The following GRTP1 variants were observed in gnomAD, a reference collection of about 807,000 sequenced individuals.
GRTP1 encodes growth hormone regulated TBC protein 1.
A neutral mutation model predicts 38.1 loss-of-function variants in GRTP1; 56 were observed. The ratio of observed to expected loss-of-function variants is 1.47; its 90% CI spans 1.19 to 1.84. GRTP1 has a LOEUF of 1.84. GRTP1 is among the 40% of genes most tolerant of loss of function. The probability of loss-of-function intolerance (pLI) is 0.00; values close to 1 mark genes in which losing one functional copy is unlikely to be tolerated. For synonymous variants in GRTP1, 217 were observed against 189.5 expected (o/e 1.14, Z -1.19); for missense variants, 506 against 453.9 (o/e 1.11, Z -1.04).
rs371450652 is a variant in GRTP1 at position 113,330,374 on chromosome 13, A to G, written c.563-4283T>C. On this transcript the variant is annotated intron_variant, in intron 5 of 7. Transcript: ENST00000375431. ...AGCCCAGGTGTGTGGAAGGAAACCC[A>G]GGTGTGTGCATGGAAGCCCAGGTGT... Among the ~76,000 whole-genome samples, 777 of 110,258 alleles carry G rather than the reference A, an allele frequency of 7.0e-3. 19 individuals are homozygous for G. The highest frequency in any genetic ancestry group is 0.028 in the African/African-American group (733 of 26,136). 72.3% of individuals were successfully genotyped at this position (110,258 alleles called of 152,430 possible).
rs1273896575 is a variant in GRTP1 at position 113,348,565 on chromosome 13, T to C, written c.465+2284A>G. The stretch of plus-strand genomic sequence containing the variant: ...TTGGGACCTTGTTTGGGAAAAAGAC[T>C]GTTGCAGATGTCATTACGGATGGGG... On this transcript the variant is annotated intron_variant, in intron 4 of 7. Transcript: ENST00000375431. The surrounding 1 kb of genome is among the most constrained non-coding windows in gnomAD (Gnocchi z 4.8). Among the ~76,000 whole-genome samples the C allele has an allele frequency of 1.3e-5, 2 of 152,160 alleles. No individual in the cohort carries two copies. The highest frequency in any genetic ancestry group is 1.5e-5 in the Non-Finnish European group (1 of 68,030).
chr13:113,344,180 C>T (rs758094050), intron 5 of GRTP1, among the ~76,000 whole-genome samples: 11 of 152,088 alleles, frequency 7.2e-5, no homozygotes, highest in Non-Finnish European at 4.4e-5. Flanking sequence ...TACATAAAAC[C>T]AAGATAGCCT....
In GRTP1 at chr13:113,338,673, G is replaced by A. The variant is rs192008574; in HGVS notation, c.562+6190C>T. 2.6e-5 allele frequency among the ~76,000 whole-genome samples: 4 copies of A among 152,280 alleles called. No homozygotes were observed. In the East Asian group the frequency reaches 5.8e-4, roughly 22 times the overall value. ...CAATACCCAGACGGACTCGCACCCC[G>A]TGGTCACTGCCCCACGGCAGGGAGC... is the stretch of plus-strand genomic sequence containing the variant. On this transcript the variant is annotated intron_variant, in intron 5 of 7. Transcript: ENST00000375431.
At chr13:113,364,148 G>GC, upstream of GRTP1, 1 of 812,516 alleles carries the variant, frequency 1.2e-6, no homozygotes, top group African/African-American at 3.1e-5. Flanking sequence ...CCGCGGGCGC[G>GC]TGGGGGCGGG....
rs1283837815 is a variant in GRTP1 at position 113,349,672 on chromosome 13, G to A, written c.465+1177C>T. Among the ~76,000 whole-genome samples, 2 of 152,198 alleles carry A rather than the reference G, an allele frequency of 1.3e-5. No individual in the cohort carries two copies. The highest frequency in any genetic ancestry group is 3.9e-4 in the East Asian group (2 of 5,190). ...GAGGACAGCGTGGTCCCGTGGCTCT[G>A]CTGCTGGCCTTTCACAGGGCGCTCC... On this transcript the variant is annotated intron_variant, in intron 4 of 7. Transcript: ENST00000375431. The surrounding 1 kb of genome is among the most constrained non-coding windows in gnomAD (Gnocchi z 5.0).
chr13:113,336,602 C>T (rs61966581), intron 5 of GRTP1, among the ~76,000 whole-genome samples: 148,411 of 152,044 alleles, frequency 0.98, 72,533 homozygotes, highest in East Asian at 1. Context: ...GGTGGCCCTG[C>T]CTACACCTAC....
rs1405391752 is a variant in GRTP1 at position 113,354,576 on chromosome 13, TG to T, written c.340+746del. Among the ~76,000 whole-genome samples the T allele has an allele frequency of 3.3e-4, 50 of 152,006 alleles. 1 individual carries two copies. The highest frequency in any genetic ancestry group is 1.1e-3 in the African/African-American group (47 of 41,446). ...GGAGTTTCACTCTTGTTGCCCAGGCTGGAGTGCGGTGGTGCAATCCCAACTC... is the reference window on the plus strand; with the variant it reads ...GGAGTTTCACTCTTGTTGCCCAGGCTGAGTGCGGTGGTGCAATCCCAACTC... On this transcript the variant is annotated intron_variant, in intron 3 of 7. Coordinates refer to ENST00000375431, the MANE Select transcript of GRTP1 (RefSeq NM_024719.4).
At position 113,345,000 on chromosome 13, in the gene GRTP1, T is replaced by G. The variant is rs776533626; in HGVS notation, c.466-41A>C. On this transcript the variant is annotated intron_variant, in intron 4 of 7. Coordinates refer to ENST00000375431, the MANE Select transcript of GRTP1 (RefSeq NM_024719.4). ...TGAGAAACAAATTCACATTGAGTTT[T>G]AAGCCCCCATTTGATTCTGCAATCA... 1.9e-6 allele frequency: 3 copies of G among 1,575,070 alleles called. No individual in the cohort carries two copies. In the South Asian group the frequency reaches 3.5e-5, roughly 18 times the overall value.
At position 113,325,957 on chromosome 13, in the gene GRTP1, A is replaced by G; in HGVS notation, c.697T>C (p.Trp233Arg). The change falls in exon 6 of 8, where the codon TGG (tryptophan) becomes CGG (arginine). Residue 233 changes from tryptophan (W) to arginine (R), a missense_variant. Physicochemically the swap from Trp to Arg is moderately radical, Grantham distance 101. Coordinates refer to ENST00000375431, the MANE Select transcript of GRTP1 (RefSeq NM_024719.4). ...GVLWTLLVSRWFICLFVDILP... is the reference protein window; with the variant it reads ...GVLWTLLVSRRFICLFVDILP... ...ATGTCCACAAACAGGCAGATGAACC[A>G]GCGGGACACCAGCAGCGTCCACAGC... is the stretch of plus-strand genomic sequence containing the variant. The G allele has an allele frequency of 6.2e-7, 1 of 1,613,912 alleles. No homozygotes were observed. Among genetic ancestry groups the G allele is most frequent in the Non-Finnish European group, 8.5e-7 (1 of 1,179,946 alleles).
chr13:113,343,214 G>C lies in GRTP1; in HGVS notation c.562+1649C>G, dbSNP rs1170282657. Reference sequence around the variant, plus strand: ...CCATGTCCTACCAATCCCACATTTGGATGTCTCCTAACTCCATCTGCCTCT... The same window carrying C: ...CCATGTCCTACCAATCCCACATTTGCATGTCTCCTAACTCCATCTGCCTCT... On this transcript the variant is annotated intron_variant, in intron 5 of 7. Transcript: ENST00000375431. The surrounding 1 kb of genome is among the most constrained non-coding windows in gnomAD (Gnocchi z 4.8). Among the ~76,000 whole-genome samples, 1 of 152,120 alleles carries C rather than the reference G, an allele frequency of 6.6e-6. No homozygotes were observed. The highest frequency in any genetic ancestry group is 1.5e-5 in the Non-Finnish European group (1 of 68,014).
intron 5 of GRTP1, among the ~76,000 whole-genome samples, chr13:113,338,744 G>C (rs1395389626): frequency 1.3e-5 from 2 of 152,116 alleles, no homozygotes; most frequent in East Asian, 3.9e-4. Flanking sequence ...GCTGCAGAAG[G>C]CTCCACTCCA....
intron 3 of GRTP1, among the ~76,000 whole-genome samples, chr13:113,352,357 AT>A (rs373137038): frequency 3.1e-5 from 3 of 97,464 alleles, no homozygotes; most frequent in African/African-American, 1.2e-4. Context: ...ATTTATATAT[AT>A]TTTATATATA....
chr13:113,329,787 G>C (rs2042830657), intron 5 of GRTP1, among the ~76,000 whole-genome samples: 1 of 152,214 alleles, frequency 6.6e-6, no homozygotes, highest in South Asian at 2.1e-4. Flanking sequence ...CCACTGATAG[G>C]GGTAGTGGGC....
In GRTP1 at chr13:113,363,770, C is replaced by T. The variant is rs752646202; in HGVS notation, c.173G>A (p.Ser58Asn). Residue 58 changes from serine to asparagine, a missense_variant, in exon 2 of 8, where the codon AGC becomes AAC. By Grantham distance (46) the Ser-to-Asn change is conservative. Coordinates refer to ENST00000375431, the MANE Select transcript of GRTP1 (RefSeq NM_024719.4). ...GCGCCCCCGGGACCCACCTGTCCGG[C>T]TCCTGGGGACGCCCCCGCCCTGCAG... ...RLLQGGGVPR[S>N]RTVKRYVRKG... is the part of the protein sequence containing the mutation. The T allele has an allele frequency of 9.3e-6, 15 of 1,609,164 alleles. No homozygotes were observed. The highest frequency in any genetic ancestry group is 4.2e-6 in the Non-Finnish European group (5 of 1,178,636).
At position 113,348,872 on chromosome 13, in the gene GRTP1, TGA is replaced by T. The variant is rs1463104058; in HGVS notation, c.465+1975_465+1976del. On this transcript the variant is annotated intron_variant, in intron 4 of 7. Transcript: ENST00000375431. This position sits in a 1 kb window ranked among gnomAD's most constrained non-coding sequence, Gnocchi z 4.8. ...ACCTCTGATGCACAGCTTCCAGAGC[TGA>T]GAGAGAATTCGTTTCCACTGTTTAC... 6.6e-6 allele frequency among the ~76,000 whole-genome samples: 1 copy of T among 152,166 alleles called. No homozygotes were observed. Among genetic ancestry groups the T allele is most frequent in the Admixed American group, 6.5e-5 (1 of 15,280 alleles).
intron 4 of GRTP1, 91 bp downstream of exon 4, chr13:113,350,758 A>C: frequency 8.2e-7 from 1 of 1,224,936 alleles, no homozygotes; most frequent in Non-Finnish European, 1.1e-6. Flanking sequence ...CAGGGTTGAC[A>C]GAGACGTGAG....
chr13:113,333,532 T>G (rs1474288038), intron 5 of GRTP1, among the ~76,000 whole-genome samples: 1 of 152,146 alleles, frequency 6.6e-6, no homozygotes, highest in Non-Finnish European at 1.5e-5. Flanking sequence ...TGAGATAGGG[T>G]CTTGCTCTGT....
Position 113,364,126 on chromosome 13 carries a change from C to T in GRTP1, c.-75G>A. On this transcript the variant is annotated 5_prime_UTR_variant, in exon 1 of 8. Transcript: ENST00000375431. The stretch of plus-strand genomic sequence containing the variant: ...CTCCCGGCTCCGGGGCGCTTAAGTC[C>T]TTCCGGCGGGACCGCGGGCGCGTGG... 1 of 1,140,628 alleles carries T rather than the reference C, an allele frequency of 8.8e-7. No homozygotes were observed. Among genetic ancestry groups the T allele is most frequent in the Non-Finnish European group, 1.1e-6 (1 of 937,034 alleles). 70.7% of individuals were successfully genotyped at this position (1,140,628 alleles called of 1,614,324 possible). A position where few individuals can be genotyped will look rare whatever the true frequency, so the allele number is the denominator to read the frequency against.
At chr13:113,355,534 C>A in intron 2 of GRTP1, 53 bp from the exon 3 acceptor site, 1 of 1,512,356 alleles carries the variant, frequency 6.6e-7, no homozygotes, top group East Asian at 2.4e-5. Context: ...GCCTGCGGGG[C>A]CCACGCGTTC....
Sources: gnomAD v4.1 joint callset for allele counts (sites outside exome capture counted in the v4.1 genomes callset) on GRCh38, gnomAD v4.1.1 for gene constraint, Gnocchi (gnomAD v3.1) non-coding constraint, MANE v1.5 for transcripts, NCBI Gene and HGNC (gene_info 2026-07-23, HGNC 2026-07-21) for gene names.